The following SLC24A2 variants were observed in gnomAD, a reference collection of about 807,000 sequenced individuals.
SLC24A2 encodes the protein solute carrier family 24 member 2.
In SLC24A2, 36 loss-of-function variants were observed where a neutral mutation model predicts 62.0. That is an observed-to-expected ratio of 0.58 (90% CI 0.44 to 0.77). The LOEUF (loss-of-function observed/expected upper bound fraction) is 0.77. Ranked by LOEUF, SLC24A2 falls within the 30% of genes least tolerant of loss-of-function variation. The probability of loss-of-function intolerance (pLI) is 0.00; values close to 1 mark genes in which losing one functional copy is unlikely to be tolerated. For missense variants in SLC24A2, 846 were observed against 817.9 expected, an observed-to-expected ratio of 1.03 and a Z score of -0.42; for synonymous variants, 358 against 294.0, an observed-to-expected ratio of 1.22 and a Z score of -2.23.
intron 2 of SLC24A2, among the ~76,000 whole-genome samples, chr9:19,776,515 C>T (rs923766394): frequency 6.6e-6 from 1 of 152,188 alleles, no homozygotes; most frequent in Admixed American, 6.5e-5. Context: ...GACACACATG[C>T]AGCTGCCCAG....
chr9:19,704,259 A>G (rs926230060), intron 2 of SLC24A2, among the ~76,000 whole-genome samples: 1 of 152,234 alleles, frequency 6.6e-6, no homozygotes, highest in Non-Finnish European at 1.5e-5. Context: ...GCAGAGGCAC[A>G]TGATTAATGA....
intron 2 of SLC24A2, among the ~76,000 whole-genome samples, chr9:19,747,825 G>C (rs1286599324): frequency 6.6e-6 from 1 of 152,150 alleles, no homozygotes; most frequent in African/African-American, 2.4e-5. Flanking sequence ...GAAGTGACTG[G>C]AGCTGCTCTG....
At chr9:19,881,700 C>G in the SLC24A2 span, among the ~76,000 whole-genome samples, 59 of 152,226 alleles carry the variant, frequency 3.9e-4, no homozygotes, top group African/African-American at 1.4e-3. Context: ...AGTTATTTTT[C>G]TCATTTTATT....
the SLC24A2 span, among the ~76,000 whole-genome samples, chr9:19,833,557 G>A: frequency 1.3e-5 from 2 of 152,234 alleles, no homozygotes; most frequent in East Asian, 1.9e-4. Flanking sequence ...GCAGGCTTGA[G>A]GAGGTAAACA....
At chr9:20,047,770 C>T in the SLC24A2 span, among the ~76,000 whole-genome samples, 21 of 151,260 alleles carry the variant, frequency 1.4e-4, no homozygotes, top group African/African-American at 4.9e-4. Context: ...ATCACTTCTC[C>T]AAAGCCCCAC....
the SLC24A2 span, among the ~76,000 whole-genome samples, chr9:19,920,371 C>T: frequency 6.6e-6 from 1 of 152,114 alleles, no homozygotes; most frequent in African/African-American, 2.4e-5. Context: ...ATTCATCAGT[C>T]GTGATTTTTC....
chr9:19,544,255 C>CTTTTTTTTTTTTTTTTTTT (rs375479154), intron 8 of SLC24A2, among the ~76,000 whole-genome samples: 1 of 124,044 alleles, frequency 8.1e-6, no homozygotes, highest in Admixed American at 8.3e-5. Flanking sequence ...GCAACCCCTG[C>CTTTTTTTTTTTTTTTTTTT]TTTTTTTTTT....
At chr9:20,009,571 C>T in the SLC24A2 span, among the ~76,000 whole-genome samples, 2 of 152,088 alleles carry the variant, frequency 1.3e-5, no homozygotes, top group Non-Finnish European at 2.9e-5. Context: ...CCCTAGCCAG[C>T]TTCTCCACAC....
At chr9:19,846,684 A>G in the SLC24A2 span, among the ~76,000 whole-genome samples, 1 of 152,112 alleles carries the variant, frequency 6.6e-6, no homozygotes, top group Admixed American at 6.5e-5. Flanking sequence ...TGGGCTATGT[A>G]TTTAAGTGTG....
intron 2 of SLC24A2, among the ~76,000 whole-genome samples, chr9:19,659,527 C>A (rs1176699008): frequency 6.6e-6 from 1 of 152,094 alleles, no homozygotes; most frequent in African/African-American, 2.4e-5. Context: ...GGTGAAAAGG[C>A]TAGGAACTGA....
At chr9:19,520,787 T>C (rs1384398583) in intron 10 of SLC24A2, 107 bp downstream of exon 10, 7 of 966,088 alleles carry the variant, frequency 7.2e-6, no homozygotes, top group South Asian at 1.3e-5. Flanking sequence ...TGTATTGGTA[T>C]TGGTTAGTCT....
chr9:19,844,379 T>C, the SLC24A2 span, among the ~76,000 whole-genome samples: 105 of 152,258 alleles, frequency 6.9e-4, no homozygotes, highest in Non-Finnish European at 1.1e-3. Context: ...TTTCTGCTTA[T>C]TGAATTGTTC....
chr9:19,710,917 A>T (rs1353741060), intron 2 of SLC24A2, among the ~76,000 whole-genome samples: 4 of 152,234 alleles, frequency 2.6e-5, no homozygotes, highest in African/African-American at 9.6e-5. Context: ...ATTGGTGATT[A>T]ACTGGAAGTT....
chr9:20,228,762 T>C, the SLC24A2 span, among the ~76,000 whole-genome samples: 6 of 152,080 alleles, frequency 3.9e-5, no homozygotes, highest in African/African-American at 1.4e-4. Context: ...AATCCATGTG[T>C]AGCTCAAAGT....
the SLC24A2 span, among the ~76,000 whole-genome samples, chr9:20,212,335 C>T: frequency 2.0e-5 from 3 of 151,376 alleles, no homozygotes; most frequent in African/African-American, 4.9e-5. Context: ...ATTTAAAATC[C>T]GAGATGAAAG....
chr9:20,122,002 A>T, the SLC24A2 span, among the ~76,000 whole-genome samples: 1 of 152,222 alleles, frequency 6.6e-6, no homozygotes, highest in African/African-American at 2.4e-5. Flanking sequence ...CTAATGCAGC[A>T]TTCCAAGGCA....
At chr9:19,844,350 T>A in the SLC24A2 span, among the ~76,000 whole-genome samples, 1 of 152,140 alleles carries the variant, frequency 6.6e-6, no homozygotes, top group African/African-American at 2.4e-5. Context: ...GTCTTTTGCC[T>A]GCTTTTTAAT....
At chr9:19,729,999 C>T (rs772080786) in intron 2 of SLC24A2, among the ~76,000 whole-genome samples, 9 of 152,016 alleles carry the variant, frequency 5.9e-5, no homozygotes, top group Non-Finnish European at 1.0e-4. Flanking sequence ...GTACCATTAT[C>T]ATTTGTCAAT....
chr9:20,091,776 G>C, the SLC24A2 span, among the ~76,000 whole-genome samples: 1 of 152,284 alleles, frequency 6.6e-6, no homozygotes, highest in South Asian at 2.1e-4. Flanking sequence ...TCACAGACCA[G>C]TGACATTATA....
Sources: gnomAD v4.1 joint callset for allele counts (sites outside exome capture counted in the v4.1 genomes callset) on GRCh38, gnomAD v4.1.1 for gene constraint, MANE v1.5 for transcripts, NCBI Gene and HGNC (gene_info 2026-07-23, HGNC 2026-07-21) for gene names.